CDH4: variants seen among roughly 807,000 people sequenced by gnomAD.
CDH4 encodes cadherin-4.
A neutral mutation model predicts 86.0 loss-of-function variants in CDH4; 33 were observed. The ratio of observed to expected loss-of-function variants is 0.38; its 90% CI spans 0.29 to 0.51. The LOEUF (loss-of-function observed/expected upper bound fraction) is 0.51, where lower values mean the gene tolerates loss of function less well. Among genes scored for constraint, CDH4 ranks in the 20% least tolerant of loss-of-function variants. The probability of loss-of-function intolerance (pLI) is 0.86; values close to 1 mark genes in which losing one functional copy is unlikely to be tolerated. For missense variants in CDH4, 1,114 were observed against 1,307.4 expected, an observed-to-expected ratio of 0.85 and a Z score of 2.28; for synonymous variants, 555 against 549.4, an observed-to-expected ratio of 1.01 and a Z score of -0.14.
intron 2 of CDH4, among the ~76,000 whole-genome samples, chr20:61,540,257 A>G (rs1162531195): frequency 6.6e-6 from 1 of 152,208 alleles, no homozygotes; most frequent in African/African-American, 2.4e-5. Context: ...ACAATGGAAG[A>G]ATTTCCTTTA....
intron 2 of CDH4, among the ~76,000 whole-genome samples, chr20:61,652,755 G>T (rs903492976): frequency 1.4e-5 from 2 of 148,062 alleles, no homozygotes; most frequent in Admixed American, 1.3e-4. Flanking sequence ...ATTCCCAAGG[G>T]TTATACTTAG....
intron 2 of CDH4, among the ~76,000 whole-genome samples, chr20:61,607,509 C>T (rs2086654438): frequency 6.6e-6 from 1 of 152,166 alleles, no homozygotes; most frequent in African/African-American, 2.4e-5. Context: ...AAAGAGGGAA[C>T]ATGAGGCTGA....
chr20:61,631,843 C>T (rs529321023), intron 2 of CDH4, among the ~76,000 whole-genome samples: 18 of 152,312 alleles, frequency 1.2e-4, no homozygotes, highest in Middle Eastern at 3.4e-3. Flanking sequence ...GTCCTCCGGC[C>T]GGTAGTAAGT....
chr20:61,673,177 C>T (rs1431367788), intron 2 of CDH4, among the ~76,000 whole-genome samples: 1 of 152,214 alleles, frequency 6.6e-6, no homozygotes, highest in African/African-American at 2.4e-5. Flanking sequence ...ACCTTGACTT[C>T]AGCTGCCCCT....
rs1220624076 is a variant in CDH4 at position 61,855,564 on chromosome 20, TA to T, written c.877+2669del. Among the ~76,000 whole-genome samples, 3 of 152,226 alleles carry T rather than the reference TA, an allele frequency of 2.0e-5. No homozygotes were observed. In the East Asian group the frequency reaches 5.8e-4, roughly 29 times the overall value. ...TCTCCCGGAGACCCAGGATGCTATT[TA>T]AAGGCGCCTGGATTTTCCTGGCCTT... On this transcript the variant is annotated intron_variant, in intron 6 of 15. Transcript: ENST00000614565.
At chr20:61,315,065 A>C (rs1313488793) in intron 2 of CDH4, among the ~76,000 whole-genome samples, 1 of 152,140 alleles carries the variant, frequency 6.6e-6, no homozygotes, top group African/African-American at 2.4e-5. Flanking sequence ...GATGGGTCTA[A>C]ACACGAAAGC....
chr20:61,387,603 AAC>A (rs200291168), intron 2 of CDH4, among the ~76,000 whole-genome samples: 1 of 152,090 alleles, frequency 6.6e-6, no homozygotes, highest in South Asian at 2.1e-4. Flanking sequence ...TGGCCACACA[AAC>A]ACACACAGAC....
chr20:61,275,426 TTGGGGGAGTAC>T, intron 2 of CDH4, among the ~76,000 whole-genome samples: 1 of 74,262 alleles, frequency 1.3e-5, no homozygotes, highest in Non-Finnish European at 2.5e-5. Flanking sequence ...TGGGGGAGTA[TTGGGGGAGTAC>T]CGTGTGCAGT....
At chr20:61,757,435 C>T (rs1051612079) in intron 3 of CDH4, among the ~76,000 whole-genome samples, 2 of 152,240 alleles carry the variant, frequency 1.3e-5, no homozygotes, top group Admixed American at 6.5e-5. Flanking sequence ...TTTCAGGCTG[C>T]AAACAGCCTT....
intron 7 of CDH4, among the ~76,000 whole-genome samples, chr20:61,885,593 G>A (rs574876257): frequency 3.4e-4 from 52 of 152,288 alleles, no homozygotes; most frequent in Admixed American, 2.8e-3. Context: ...TGCTTTGAAC[G>A]AGGGCGTGTA....
At chr20:61,492,235 G>A (rs752205552) in intron 2 of CDH4, among the ~76,000 whole-genome samples, 7 of 151,580 alleles carry the variant, frequency 4.6e-5, no homozygotes, top group Non-Finnish European at 5.9e-5. Flanking sequence ...GATATTGGTG[G>A]TGTTGATGTT....
At chr20:61,362,209 G>A (rs1023448832) in intron 2 of CDH4, among the ~76,000 whole-genome samples, 4 of 152,244 alleles carry the variant, frequency 2.6e-5, no homozygotes, top group African/African-American at 9.6e-5. Flanking sequence ...GCAAAGCCTG[G>A]CAGGGGGGGA....
chr20:61,661,995 T>A (rs1056255948), intron 2 of CDH4, among the ~76,000 whole-genome samples: 9 of 152,152 alleles, frequency 5.9e-5, no homozygotes, highest in Admixed American at 1.3e-4. Flanking sequence ...AGGGTACATG[T>A]TTTTTAAAAG....
intron 2 of CDH4, among the ~76,000 whole-genome samples, chr20:61,583,864 A>G (rs2086450612): frequency 6.6e-6 from 1 of 152,168 alleles, no homozygotes; most frequent in Non-Finnish European, 1.5e-5. Context: ...GTGACTTTTA[A>G]AATATTCACT....
intron 2 of CDH4, among the ~76,000 whole-genome samples, chr20:61,345,101 A>G (rs2084670937): frequency 6.6e-6 from 1 of 152,202 alleles, no homozygotes; most frequent in Non-Finnish European, 1.5e-5. Flanking sequence ...GTCTCTTTCG[A>G]TGGACGATCA....
chr20:61,589,502 G>A (rs2145729823), intron 2 of CDH4, among the ~76,000 whole-genome samples: 1 of 152,234 alleles, frequency 6.6e-6, no homozygotes, highest in African/African-American at 2.4e-5. Flanking sequence ...TGAATATGAT[G>A]TGCCTATCCT....
chr20:61,629,403 ATAAT>A (rs764122271), intron 2 of CDH4, among the ~76,000 whole-genome samples: 37 of 148,972 alleles, frequency 2.5e-4, no homozygotes, highest in Admixed American at 1.9e-3. Flanking sequence ...AAAAAAAAAA[ATAAT>A]TAAGAGCTTG....
intron 4 of CDH4, among the ~76,000 whole-genome samples, chr20:61,843,772 ATGT>A (rs1230851796): frequency 6.6e-6 from 1 of 152,140 alleles, no homozygotes; most frequent in East Asian, 1.9e-4. Flanking sequence ...GTATTATGAA[ATGT>A]TGTGATGGTC....
chr20:61,651,084 G>A (rs2087115836), intron 2 of CDH4, among the ~76,000 whole-genome samples: 1 of 152,178 alleles, frequency 6.6e-6, no homozygotes, highest in Non-Finnish European at 1.5e-5. Flanking sequence ...GCTTGGCCGT[G>A]CACTGGTGTG....
Sources: allele counts gnomAD v4.1 joint callset (sites outside exome capture counted in the v4.1 genomes callset), GRCh38; gene constraint gnomAD v4.1.1; transcripts MANE v1.5; gene names NCBI Gene and HGNC (gene_info 2026-07-23, HGNC 2026-07-21).